The following ABCB4 variants were observed in gnomAD, a reference collection of about 807,000 sequenced individuals.
ABCB4 encodes ATP binding cassette subfamily B member 4.
ABCB4 carries 76 observed loss-of-function variants against 145.7 expected under a neutral mutation model. The ratio of observed to expected loss-of-function variants is 0.52; its 90% CI spans 0.43 to 0.63. ABCB4 has a LOEUF of 0.63. ABCB4 is among the 30% of genes least tolerant of loss of function. The probability of loss-of-function intolerance (pLI) is 0.00; values close to 1 mark genes in which losing one functional copy is unlikely to be tolerated. For missense variants in ABCB4, 1,234 were observed against 1,553.1 expected (o/e 0.79, Z 3.45); for synonymous variants, 517 against 566.8 (o/e 0.91, Z 1.25).
chr7:87,428,503 A>G (rs1364748559), intron 15 of ABCB4, among the ~76,000 whole-genome samples: 1 of 152,216 alleles, frequency 6.6e-6, no homozygotes, highest in Non-Finnish European at 1.5e-5. Context: ...GGAGGAAAAA[A>G]CTGACAACCT....
chr7:87,376,030 T>C, the ABCB4 span: 1 of 1,375,668 alleles, frequency 7.3e-7, no homozygotes, highest in Non-Finnish European at 9.8e-7. Context: ...ATGGAAGTTT[T>C]TTTTCTTTTT....
At chr7:87,369,874 C>T in the ABCB4 span, among the ~76,000 whole-genome samples, 130,515 of 148,464 alleles carry the variant, frequency 0.88, 57,451 homozygotes, top group Middle Eastern at 0.94. Context: ...TGGTATACAT[C>T]TTCTATGTAT....
rs1156521640 is a variant in ABCB4 at position 87,422,177 on chromosome 7, A to G, written c.2260T>C (p.Phe754Leu). The part of the protein sequence containing the change: ...DAVKQQKCNI[F>L]SLIFLFLGII... ...CCCAGAAATAAGAAAATCAAAGAGA[A>G]TATGTTGCACTTCTGCTGCTTCACT... Residue 754 changes from phenylalanine to leucine, a missense_variant, in exon 18 of 28, where the codon TTC becomes CTC. By Grantham distance (22) the Phe-to-Leu change is conservative. Around this residue, in one of 7 missense-constraint regions of ABCB4, gnomAD observed 321 missense variants for 332.6 expected, o/e 0.97. Coordinates refer to ENST00000649586, the MANE Select transcript of ABCB4 (RefSeq NM_000443.4). The G allele has an allele frequency of 1.9e-6, 3 of 1,613,784 alleles. No homozygotes were observed. The highest frequency in any genetic ancestry group is 2.5e-6 in the Non-Finnish European group (3 of 1,179,760).
chr7:87,394,224 TAA>T, the ABCB4 span, among the ~76,000 whole-genome samples: 1 of 152,202 alleles, frequency 6.6e-6, no homozygotes, highest in Admixed American at 6.5e-5. Context: ...TGTGGTGAGC[TAA>T]AGAGTTGCAA....
At chr7:87,451,233 T>C (rs981914208) in intron 7 of ABCB4, among the ~76,000 whole-genome samples, 1 of 151,740 alleles carries the variant, frequency 6.6e-6, no homozygotes, top group African/African-American at 2.4e-5. Context: ...CCTCCTGAGT[T>C]CAGCGATTCT....
chr7:87,463,574 C>T (rs771469855), intron 3 of ABCB4, among the ~76,000 whole-genome samples: 5 of 152,008 alleles, frequency 3.3e-5, no homozygotes, highest in African/African-American at 1.2e-4. Context: ...GAAGAATCGG[C>T]GAGTGTAAAA....
intron 3 of ABCB4, among the ~76,000 whole-genome samples, chr7:87,468,708 G>T (rs944598432): frequency 6.6e-6 from 1 of 151,930 alleles, no homozygotes; most frequent in Non-Finnish European, 1.5e-5. Context: ...TGAGGCGGGC[G>T]GATCACAAGG....
chr7:87,456,129 G>C (rs1326614873), intron 4 of ABCB4, among the ~76,000 whole-genome samples: 2 of 152,200 alleles, frequency 1.3e-5, no homozygotes, highest in African/African-American at 4.8e-5. Flanking sequence ...TTTGGAACTA[G>C]AGGCAGGCAA....
the ABCB4 span, chr7:87,382,424 A>G: frequency 6.2e-7 from 1 of 1,613,242 alleles, no homozygotes; most frequent in Middle Eastern, 1.7e-4. Context: ...CATCTGATCT[A>G]CAGATTGCGG....
intron 2 of ABCB4, among the ~76,000 whole-genome samples, chr7:87,474,820 T>G (rs551323430): frequency 6.6e-6 from 1 of 151,882 alleles, no homozygotes; most frequent in Non-Finnish European, 1.5e-5. Context: ...TGAACAAAAC[T>G]GATTCGGATG....
At chr7:87,403,672 G>T (rs779633622) in intron 26 of ABCB4, among the ~76,000 whole-genome samples, 1 of 151,864 alleles carries the variant, frequency 6.6e-6, no homozygotes, top group Non-Finnish European at 1.5e-5. Context: ...CTTGAATTTT[G>T]TGTTGCACTA....
chr7:87,412,172 C>T (rs1186160334), intron 22 of ABCB4, 139 bp from the exon 23 acceptor site: 1 of 827,710 alleles, frequency 1.2e-6, no homozygotes, highest in Non-Finnish European at 2.0e-6. Flanking sequence ...TAAATGATAA[C>T]TTCTCTAAAC....
chr7:87,416,023 C>T (rs1005510253), intron 21 of ABCB4, among the ~76,000 whole-genome samples: 1 of 152,144 alleles, frequency 6.6e-6, no homozygotes, highest in African/African-American at 2.4e-5. Flanking sequence ...TACCCACAGC[C>T]AGCAGCCAAG....
Position 87,438,528 on chromosome 7 carries a change from C to A in ABCB4, c.1731+1139G>T, listed in dbSNP as rs750036217. ...CTTTGGGAGGTTGAGGCAGGATGATCACTTGAACTCAGGAGTTTGAGACCA... is the reference window on the plus strand; with the variant it reads ...CTTTGGGAGGTTGAGGCAGGATGATAACTTGAACTCAGGAGTTTGAGACCA... On this transcript the variant is annotated intron_variant, in intron 14 of 27. Coordinates refer to ENST00000649586, the MANE Select transcript of ABCB4 (RefSeq NM_000443.4). 4.6e-5 allele frequency among the ~76,000 whole-genome samples: 7 copies of A among 152,182 alleles called. No individual in the cohort carries two copies. In the South Asian group the frequency reaches 6.2e-4, roughly 14 times the overall value.
the ABCB4 span, among the ~76,000 whole-genome samples, chr7:87,385,405 C>A: frequency 6.6e-6 from 1 of 151,742 alleles, no homozygotes; most frequent in East Asian, 1.9e-4. Flanking sequence ...GATTTTTTTA[C>A]TTTTTTGGTT....
At chr7:87,394,807 A>C in the ABCB4 span, among the ~76,000 whole-genome samples, 1 of 152,202 alleles carries the variant, frequency 6.6e-6, no homozygotes, top group Non-Finnish European at 1.5e-5. Flanking sequence ...GAAGCTGGAG[A>C]ATTTAATGCC....
intron 3 of ABCB4, among the ~76,000 whole-genome samples, chr7:87,464,755 A>G (rs1305411056): frequency 6.6e-6 from 1 of 152,242 alleles, no homozygotes; most frequent in Non-Finnish European, 1.5e-5. Flanking sequence ...AGGTGAAAAT[A>G]AATATTAAAT....
downstream of ABCB4, among the ~76,000 whole-genome samples, chr7:87,400,965 G>T (rs1807753400): frequency 6.6e-6 from 1 of 152,156 alleles, no homozygotes; most frequent in Non-Finnish European, 1.5e-5. Flanking sequence ...TTAAAAAACA[G>T]ATTCCTGGGC....
the ABCB4 span, chr7:87,375,883 T>C: frequency 3.7e-6 from 6 of 1,613,506 alleles, no homozygotes; most frequent in Non-Finnish European, 5.1e-6. Context: ...TTAGAAAAAA[T>C]TCAGAGTAGT....
Sources: allele counts gnomAD v4.1 joint callset (sites outside exome capture counted in the v4.1 genomes callset), GRCh38; gene constraint gnomAD v4.1.1; regional missense constraint gnomAD v4.1.1; transcripts MANE v1.5; gene names NCBI Gene and HGNC (gene_info 2026-07-23, HGNC 2026-07-21).